Variants in LAPTM4B observed in about 807,000 individuals in gnomAD.
The protein encoded by LAPTM4B is lysosomal-associated transmembrane protein 4B.
In LAPTM4B, 26 loss-of-function variants were observed where a neutral mutation model predicts 28.5. That is an observed-to-expected ratio of 0.91 (90% confidence interval 0.67 to 1.27). The LOEUF is 1.27. LAPTM4B is among the 50% of genes most tolerant of loss of function. The probability of loss-of-function intolerance (pLI) is 0.00; values close to 1 mark genes in which losing one functional copy is unlikely to be tolerated. For missense variants in LAPTM4B, 288 were observed against 285.8 expected, an observed-to-expected ratio of 1.01 and a Z score of -0.06; for synonymous variants, 109 against 106.4, an observed-to-expected ratio of 1.02 and a Z score of -0.15.
At chr8:97,847,420 C>T (rs1817450481) in intron 6 of LAPTM4B, among the ~76,000 whole-genome samples, 1 of 152,116 alleles carries the variant, frequency 6.6e-6, no homozygotes, top group East Asian at 1.9e-4. Flanking sequence ...TCTTAGTTCT[C>T]AGAGATTATT....
chr8:97,837,031 C>T (rs1817270080), intron 6 of LAPTM4B, among the ~76,000 whole-genome samples: 2 of 152,036 alleles, frequency 1.3e-5, no homozygotes, highest in South Asian at 4.2e-4. Flanking sequence ...AATAAATTCT[C>T]TTTGAAGCAC....
rs1436902279 is a variant in LAPTM4B, at chr8:97,852,120, T to TC, written c.*648dup. 3.9e-5 allele frequency: 6 copies of TC among 153,110 alleles called. No homozygotes were observed. The highest frequency in any genetic ancestry group is 1.4e-4 in the African/African-American group (6 of 41,440). The allele number at this position is 153,110 out of a possible 1,614,324, so 9.5% of individuals were successfully genotyped here. ...GCTGACTGTTCTTGTGGATCTTGTG[T>TC]CCAGGGACATGGGGTGACATGCCTC... On this transcript the variant is annotated 3_prime_UTR_variant, in exon 7 of 7. Transcript: ENST00000521545.
intron 2 of LAPTM4B, among the ~76,000 whole-genome samples, chr8:97,810,451 A>G (rs1039692390): frequency 2.0e-5 from 3 of 152,194 alleles, no homozygotes; most frequent in Non-Finnish European, 4.4e-5. Flanking sequence ...AGCTAGGTAA[A>G]TTGTTAATAG....
chr8:97,823,874 A>G (rs1353340368), intron 5 of LAPTM4B, among the ~76,000 whole-genome samples: 1 of 150,314 alleles, frequency 6.7e-6, no homozygotes, highest in African/African-American at 2.5e-5. Flanking sequence ...ATGTTTTTGT[A>G]TTTTAGTAGA....
chr8:97,806,233 T>C (rs1348026669), intron 2 of LAPTM4B, among the ~76,000 whole-genome samples: 1 of 152,088 alleles, frequency 6.6e-6, no homozygotes, highest in Non-Finnish European at 1.5e-5. Context: ...TTCAGTGGTT[T>C]TAACTAAATG....
chr8:97,848,343 T>C (rs1817463320), intron 6 of LAPTM4B, among the ~76,000 whole-genome samples: 2 of 152,028 alleles, frequency 1.3e-5, no homozygotes, highest in Non-Finnish European at 2.9e-5. Flanking sequence ...TAAGAAATAG[T>C]GACAGACCGC....
intron 6 of LAPTM4B, among the ~76,000 whole-genome samples, chr8:97,834,763 A>G (rs1872017): frequency 0.47 from 71,597 of 151,958 alleles, 17,143 homozygotes; most frequent in East Asian, 0.58. Context: ...TGGTATGACA[A>G]GATGCTCTAG....
At chr8:97,819,369 T>TA (rs1197411658) in intron 5 of LAPTM4B, 131 bp downstream of exon 5, 1 of 603,300 alleles carries the variant, frequency 1.7e-6, no homozygotes, top group Non-Finnish European at 2.9e-6. Context: ...TTCCTAAGAT[T>TA]ACAATTCTTT....
chr8:97,815,422 T>A (rs1563612351), intron 3 of LAPTM4B, 21 bp downstream of exon 3: 3 of 1,497,234 alleles, frequency 2.0e-6, no homozygotes, highest in Admixed American at 3.4e-5. Context: ...TGCAGTAAGA[T>A]GCTGGCCTTT....
chr8:97,834,142 C>CAAAAAAAAAAAAAAAAAAAAAA (rs1817224464), intron 6 of LAPTM4B, among the ~76,000 whole-genome samples: 1 of 48,176 alleles, frequency 2.1e-5, no homozygotes, highest in African/African-American at 6.8e-5. Context: ...CCTGTCTCTA[C>CAAAAAAAAAAAAAAAAAAAAAA]AGAAAAAAAA....
At chr8:97,801,726 G>A (rs913327315) in intron 1 of LAPTM4B, among the ~76,000 whole-genome samples, 9 of 151,520 alleles carry the variant, frequency 5.9e-5, no homozygotes, top group South Asian at 2.1e-4. Flanking sequence ...GTCTGTAATC[G>A]CAGCTACAGG....
chr8:97,851,370 A>G, intron 6 of LAPTM4B, 27 bp from the exon 7 acceptor site: 3 of 1,544,810 alleles, frequency 1.9e-6, no homozygotes, highest in Non-Finnish European at 2.7e-6. Flanking sequence ...TCAAACATTA[A>G]CTCTTGCCGT....
chr8:97,819,314 G>T, intron 5 of LAPTM4B, 76 bp downstream of exon 5: 5 of 894,468 alleles, frequency 5.6e-6, no homozygotes, highest in African/African-American at 1.7e-5. Flanking sequence ...AACAAACTTT[G>T]GTCAGTTTAT....
chr8:97,790,423 T>C (rs1468468216), intron 1 of LAPTM4B, among the ~76,000 whole-genome samples: 2 of 151,806 alleles, frequency 1.3e-5, no homozygotes, highest in Admixed American at 1.3e-4. Flanking sequence ...GCAATTCTCC[T>C]GCCTCAGCTT....
intron 6 of LAPTM4B, among the ~76,000 whole-genome samples, chr8:97,845,474 T>C (rs1297378535): frequency 6.6e-6 from 1 of 152,164 alleles, no homozygotes; most frequent in African/African-American, 2.4e-5. Flanking sequence ...ACTTCATCAG[T>C]TCTCTTTCCT....
At chr8:97,815,177 T>C (rs940987978) in intron 2 of LAPTM4B, 151 bp from the exon 3 acceptor site, 3 of 633,210 alleles carry the variant, frequency 4.7e-6, no homozygotes. Context: ...CAATATCCCT[T>C]TTTCTATTTT....
intron 6 of LAPTM4B, among the ~76,000 whole-genome samples, chr8:97,849,798 C>T (rs1301922374): frequency 1.3e-5 from 2 of 151,754 alleles, no homozygotes; most frequent in African/African-American, 4.9e-5. Flanking sequence ...CGCCACCCCC[C>T]CTCCTCCACC....
At chr8:97,837,335 G>T (rs565538747) in intron 6 of LAPTM4B, among the ~76,000 whole-genome samples, 1 of 152,034 alleles carries the variant, frequency 6.6e-6, no homozygotes, top group East Asian at 1.9e-4. Context: ...TGGGACTACA[G>T]GCACATGCCA....
At chr8:97,786,756 G>T (rs1015436576) in intron 1 of LAPTM4B, among the ~76,000 whole-genome samples, 4 of 151,900 alleles carry the variant, frequency 2.6e-5, no homozygotes, top group Admixed American at 6.6e-5. Flanking sequence ...CAGCCAGTTG[G>T]TTCCATGGTG....
Sources: allele counts gnomAD v4.1 joint callset (sites outside exome capture counted in the v4.1 genomes callset), GRCh38; gene constraint gnomAD v4.1.1; transcripts MANE v1.5; gene names NCBI Gene and HGNC (gene_info 2026-07-23, HGNC 2026-07-21).